TMEM52: variants seen among roughly 807,000 people sequenced by gnomAD.
The protein encoded by TMEM52 is transmembrane protein 52.
A neutral mutation model predicts 16.2 loss-of-function variants in TMEM52; 14 were observed. The observed-to-expected ratio is 0.87, with a 90% CI of 0.57 to 1.35. The LOEUF (loss-of-function observed/expected upper bound fraction) is 1.35. Ranked by LOEUF, TMEM52 falls within the 40% of genes most tolerant of loss-of-function variation. TMEM52 has a pLI of 0.00. For missense variants in TMEM52, 309 were observed against 278.6 expected (o/e 1.11, Z -0.78); for synonymous variants, 136 against 124.7 (o/e 1.09, Z -0.60).
chr1:1,918,808 T>C (rs1570796488), intron 3 of TMEM52, 85 bp downstream of exon 3: 1 of 1,431,788 alleles, frequency 7.0e-7, no homozygotes, highest in East Asian at 2.5e-5. Context: ...GGCGGCCTGG[T>C]GAGGTAAGGG....
In TMEM52 at chr1:1,917,812, G is replaced by C; in HGVS notation, c.*70C>G. ...TTGGGGCCACAGCAATGTGTGGGAC[G>C]GTGGGGTGGGCTGGGGCCCTTGGCT... On this transcript the variant is annotated 3_prime_UTR_variant, in exon 5 of 5. Coordinates refer to ENST00000310991, the MANE Select transcript of TMEM52 (RefSeq NM_178545.4). 1 of 1,523,740 alleles carries C rather than the reference G, an allele frequency of 6.6e-7. No homozygotes were observed. Among genetic ancestry groups the C allele is most frequent in the Non-Finnish European group, 9.0e-7 (1 of 1,116,734 alleles). The allele number at this position is 1,523,740 out of a possible 1,614,324, so 94.4% of individuals were successfully genotyped here.
At chr1:1,918,495 A>C (rs1570796058) in intron 3 of TMEM52, 64 bp from the exon 4 acceptor site, 1 of 1,353,776 alleles carries the variant, frequency 7.4e-7, no homozygotes, top group African/African-American at 1.4e-5. Context: ...ACCCTGGGGA[A>C]TGTCGTGGCA....
chr1:1,918,915 A>T lies in TMEM52; in HGVS notation c.148T>A (p.Trp50Arg). The T allele has an allele frequency of 7.1e-7, 1 of 1,405,160 alleles. No homozygotes were observed. The highest frequency in any genetic ancestry group is 9.2e-7 in the Non-Finnish European group (1 of 1,091,730). 87.0% of individuals were successfully genotyped at this position (1,405,160 alleles called of 1,614,324 possible). A position where few individuals can be genotyped will look rare whatever the true frequency, so the allele number is the denominator to read the frequency against. The change falls in exon 3 of 5, where the codon TGG becomes AGG. Residue 50 changes from tryptophan to arginine, a missense_variant. Trp to Arg is a moderately radical substitution (Grantham distance 101). Transcript: ENST00000310991. Reference sequence around the variant, plus strand: ...TACCCCACGTGCCACAGGCTGCTCCAGCGGGCCTGGGGCGGGCACCTGTGG... The same window carrying T: ...TACCCCACGTGCCACAGGCTGCTCCTGCGGGCCTGGGGCGGGCACCTGTGG... The part of the protein sequence containing the change: ...PSDQCPPQAR[W>R]SSLWHVGLIL...
rs1055133872 is a variant in TMEM52 at position 1,918,855 on chromosome 1, A to G, written c.170+38T>C. 118 of 1,485,976 alleles carry G rather than the reference A, an allele frequency of 7.9e-5. 1 individual carries two copies. Among genetic ancestry groups the G allele is most frequent in the Non-Finnish European group, 9.8e-5 (111 of 1,128,010 alleles). 92.0% of individuals were successfully genotyped at this position (1,485,976 alleles called of 1,614,324 possible). On this transcript the variant is annotated intron_variant, in intron 3 of 4. Transcript: ENST00000310991. ...TGGCCCCGGTGACCCCCGCCCCAGA[A>G]CCGTCGGACGCACGGCTCCGCCGCG...
rs1651198225 is a variant in TMEM52, at chr1:1,917,930, C to T, written c.582G>A (p.Glu194=). 1.2e-6 allele frequency: 2 copies of T among 1,613,830 alleles called. No homozygotes were observed. The highest frequency in any genetic ancestry group is 1.7e-6 in the Non-Finnish European group (2 of 1,180,004). The change falls in exon 5 of 5, where the codon GAG becomes GAA. Residue 194 remains glutamate, a synonymous_variant. Coordinates refer to ENST00000310991, the MANE Select transcript of TMEM52 (RefSeq NM_178545.4). ...SGLETTPVPQ[E]SGPNTQLPPC... ...GTGGTAGTTGAGTATTGGGGCCCGA[C>T]TCCTGGGGCACTGGAGTGGTCTCTA... is the stretch of plus-strand genomic sequence containing the variant.
Position 1,917,916 on chromosome 1 carries a change from G to A in TMEM52, c.596C>T (p.Thr199Ile), listed in dbSNP as rs1200523458. ...ACCAGGGCTACAAGGTGGTAGTTGAGTATTGGGGCCCGACTCCTGGGGCAC... is the reference window on the plus strand; with the variant it reads ...ACCAGGGCTACAAGGTGGTAGTTGAATATTGGGGCCCGACTCCTGGGGCAC... Reference protein sequence around the residue: ...TPVPQESGPNTQLPPCSPGAP With the variant: ...TPVPQESGPNIQLPPCSPGAP Residue 199 changes from threonine (T) to isoleucine (I), a missense_variant, in exon 5 of 5, where the codon ACT becomes ATT. Thr to Ile is a moderately conservative substitution (Grantham distance 89). Transcript: ENST00000310991. 1.9e-6 allele frequency: 3 copies of A among 1,613,706 alleles called. No homozygotes were observed. Among genetic ancestry groups the A allele is most frequent in the South Asian group, 1.1e-5 (1 of 91,092 alleles).
At chr1:1,918,584 G>GCCTCGGGCTGCTGGGCCTGC in intron 3 of TMEM52, 153 bp from the exon 4 acceptor site, 4 of 812,574 alleles carry the variant, frequency 4.9e-6, no homozygotes, top group Non-Finnish European at 6.3e-6. Flanking sequence ...CCAGAGCCTG[G>GCCTCGGGCTGCTGGGCCTGC]CCTCGGGCTG....
intron 2 of TMEM52, 23 bp downstream of exon 2, chr1:1,919,022 C>T (rs1299643926): frequency 7.5e-7 from 1 of 1,335,168 alleles, no homozygotes; most frequent in South Asian, 2.0e-5. Context: ...GGCCAGGCCC[C>T]GGCTCCCTCC....
At position 1,919,215 on chromosome 1, in the gene TMEM52, G is replaced by A. The variant is rs1570797083; in HGVS notation, c.51C>T (p.Leu17=). 1 of 918,190 alleles carries A rather than the reference G, an allele frequency of 1.1e-6. No individual in the cohort carries two copies. The allele number at this position is 918,190 out of a possible 1,614,324, so 56.9% of individuals were successfully genotyped here. The change falls in exon 1 of 5, where the codon CTC becomes CTT. Residue 17 remains leucine (L), a synonymous_variant. Transcript: ENST00000310991. ...GCGGCAGGAGCGGCAGGAGCGGCAG[G>A]AGCGGCAGCAGCAGCCGCAGTCCGC... ...AARGLRLLLP[L]LPLLPLLPLP...
rs372143430 is a variant in TMEM52 at position 1,918,194 on chromosome 1, G to A, written c.350-32C>T. On this transcript the variant is annotated intron_variant, in intron 4 of 4. Coordinates refer to ENST00000310991, the MANE Select transcript of TMEM52 (RefSeq NM_178545.4). Reference sequence around the variant, plus strand: ...GGAACCAGAGTGGGTTCGTGGAGGCGGGCTTGGCATTTACCCCCGCCATCT... The same window carrying A: ...GGAACCAGAGTGGGTTCGTGGAGGCAGGCTTGGCATTTACCCCCGCCATCT... 496 of 1,608,664 alleles carry A rather than the reference G, an allele frequency of 3.1e-4. No individual in the cohort carries two copies. The African/African-American group carries it at 3.6e-3, about 12-fold the overall frequency.
Position 1,917,951 on chromosome 1 carries a change from C to G in TMEM52, c.561G>C (p.Glu187Asp). The change falls in exon 5 of 5, where the codon GAG (glutamate) becomes GAC (aspartate). Residue 187 changes from glutamate (E) to aspartate (D), a missense_variant. Coordinates refer to ENST00000310991, the MANE Select transcript of TMEM52 (RefSeq NM_178545.4). Reference sequence around the variant, plus strand: ...CCGACTCCTGGGGCACTGGAGTGGTCTCTAGGCCCGAGGCCCCAAGGAGAG... The same window carrying G: ...CCGACTCCTGGGGCACTGGAGTGGTGTCTAGGCCCGAGGCCCCAAGGAGAG... ...PSPLLGASGLETTPVPQESGP... is the reference protein window; with the variant it reads ...PSPLLGASGLDTTPVPQESGP... 1 of 1,613,904 alleles carries G rather than the reference C, an allele frequency of 6.2e-7. No homozygotes were observed. Among genetic ancestry groups the G allele is most frequent in the South Asian group, 1.1e-5 (1 of 91,082 alleles).
At chr1:1,918,843 C>T in intron 3 of TMEM52, 50 bp downstream of exon 3, 1 of 1,491,708 alleles carries the variant, frequency 6.7e-7, no homozygotes, top group Non-Finnish European at 8.9e-7. Context: ...CCCCGGTGAC[C>T]CCCGCCCCAG....
chr1:1,917,948 G>A lies in TMEM52; in HGVS notation c.564C>T (p.Thr188=), dbSNP rs1417912205. Residue 188 remains threonine (T), a synonymous_variant, in exon 5 of 5, where the codon ACC becomes ACT. Coordinates refer to ENST00000310991, the MANE Select transcript of TMEM52 (RefSeq NM_178545.4). ...SPLLGASGLE[T]TPVPQESGPN... ...GGCCCGACTCCTGGGGCACTGGAGT[G>A]GTCTCTAGGCCCGAGGCCCCAAGGA... 1 of 1,613,746 alleles carries A rather than the reference G, an allele frequency of 6.2e-7. No individual in the cohort carries two copies. Among genetic ancestry groups the A allele is most frequent in the Non-Finnish European group, 8.5e-7 (1 of 1,180,012 alleles).
rs1651205568 is a variant in TMEM52 at position 1,918,042 on chromosome 1, T to C, written c.470A>G (p.Tyr157Cys). The C allele has an allele frequency of 1.2e-6, 2 of 1,613,814 alleles. No homozygotes were observed. The highest frequency in any genetic ancestry group is 1.7e-6 in the Non-Finnish European group (2 of 1,179,982). ...CTTGGCCATCTTGACAGCTTCATCG[T>C]AGGAGGGTGGAGGCTCCGGGGTGTA... ...SLYTPEPPPS[Y>C]DEAVKMAKPR... The change falls in exon 5 of 5, where the codon TAC becomes TGC. Residue 157 changes from tyrosine (Y) to cysteine (C), a missense_variant. By Grantham distance (194) the Tyr-to-Cys change is radical. Transcript: ENST00000310991.
chr1:1,917,963 G>A lies in TMEM52; in HGVS notation c.549C>T (p.Ala183=). 1 of 1,613,948 alleles carries A rather than the reference G, an allele frequency of 6.2e-7. No homozygotes were observed. The highest frequency in any genetic ancestry group is 1.7e-5 in the Admixed American group (1 of 60,026). Residue 183 remains alanine, a synonymous_variant, in exon 5 of 5, where the codon GCC becomes GCT. Transcript: ENST00000310991. ...GCACTGGAGTGGTCTCTAGGCCCGA[G>A]GCCCCAAGGAGAGGGCTGGGTTTCT... is the stretch of plus-strand genomic sequence containing the variant. ...LSQKPSPLLG[A]SGLETTPVPQ...
chr1:1,918,416 C>G lies in TMEM52; in HGVS notation c.186G>C (p.Ala62=). The change falls in exon 4 of 5, where the codon GCG becomes GCC. Residue 62 remains alanine (A), a synonymous_variant. Coordinates refer to ENST00000310991, the MANE Select transcript of TMEM52 (RefSeq NM_178545.4). ...SLWHVGLILL[A]VLLLLLCGVT... is the part of the protein sequence containing the mutation. Reference sequence around the variant, plus strand: ...CACCACACAGCAGAAGCAGGAGGACCGCCAGCAGGATGAGCCTAGGAGAGC... The same window carrying G: ...CACCACACAGCAGAAGCAGGAGGACGGCCAGCAGGATGAGCCTAGGAGAGC... The G allele has an allele frequency of 6.2e-7, 1 of 1,612,432 alleles. No homozygotes were observed. Among genetic ancestry groups the G allele is most frequent in the Non-Finnish European group, 8.5e-7 (1 of 1,179,838 alleles).
intron 3 of TMEM52, 95 bp downstream of exon 3, chr1:1,918,772 AGCGGCCGGGACTGGGCGACAGCGGAG>A: frequency 8.3e-7 from 1 of 1,207,446 alleles, no homozygotes; most frequent in Non-Finnish European, 1.1e-6. Context: ...AGTTCCCGCC[AGCGGCCGGGACTGGGCGACAGCGGAG>A]GCGGCCTGGT....
In TMEM52 at chr1:1,918,690, G is replaced by A. The variant is rs1331941302; in HGVS notation, c.170+203C>T. The A allele has an allele frequency of 8.5e-6, 6 of 702,796 alleles. No individual in the cohort carries two copies. The Admixed American group carries it at 1.1e-4, about 13-fold the overall frequency. The allele number at this position is 702,796 out of a possible 1,614,324, so 43.5% of individuals were successfully genotyped here. A position where few individuals can be genotyped will look rare whatever the true frequency, so the allele number is the denominator to read the frequency against. On this transcript the variant is annotated intron_variant, in intron 3 of 4. Transcript: ENST00000310991. ...TCCTCAGCGAGTGCCCCACTGCTGA[G>A]CGGGATCGTAGGGGACTCCCGCGGA...
chr1:1,918,537 A>G (rs1651230689), intron 3 of TMEM52, 106 bp from the exon 4 acceptor site: 1 of 1,021,258 alleles, frequency 9.8e-7, no homozygotes, highest in Non-Finnish European at 1.5e-6. Flanking sequence ...CAGGATAAAA[A>G]GCAGACAATG....
Sources: allele counts gnomAD v4.1 joint callset, GRCh38; gene constraint gnomAD v4.1.1; transcripts MANE v1.5; gene names NCBI Gene and HGNC (gene_info 2026-07-23, HGNC 2026-07-21).